The following INPP4B variants were observed in gnomAD, a reference collection of about 807,000 sequenced individuals.
The protein encoded by INPP4B is inositol polyphosphate-4-phosphatase type II B, also known as inositol polyphosphate 4-phosphatase type II.
INPP4B carries 55 observed loss-of-function variants against 122.5 expected under a neutral mutation model. The ratio of observed to expected loss-of-function variants is 0.45; its 90% CI spans 0.36 to 0.56. INPP4B has a LOEUF of 0.56. INPP4B is among the 20% of genes least tolerant of loss of function. The pLI is 0.00. For synonymous variants in INPP4B, 403 were observed against 388.7 expected, an observed-to-expected ratio of 1.04 and a Z score of -0.43; for missense variants, 1,000 against 1,097.7, an observed-to-expected ratio of 0.91 and a Z score of 1.26.
chr4:142,165,841 T>C (rs925578640), intron 16 of INPP4B, among the ~76,000 whole-genome samples: 4 of 151,730 alleles, frequency 2.6e-5, no homozygotes, highest in Admixed American at 6.6e-5. Flanking sequence ...TACATAACAG[T>C]GATGCATGAA....
At chr4:142,472,556 A>G (rs1176021575) in intron 2 of INPP4B, among the ~76,000 whole-genome samples, 1 of 152,206 alleles carries the variant, frequency 6.6e-6, no homozygotes, top group Non-Finnish European at 1.5e-5. Flanking sequence ...TCTCCAATAT[A>G]TGAATATTCT....
intron 2 of INPP4B, among the ~76,000 whole-genome samples, chr4:142,659,382 G>T (rs1164541725): frequency 6.6e-6 from 1 of 151,858 alleles, no homozygotes; most frequent in Admixed American, 6.6e-5. Flanking sequence ...CTCCAACCTG[G>T]GCGACAGAGT....
At chr4:142,376,796 A>T (rs1211284411) in intron 7 of INPP4B, among the ~76,000 whole-genome samples, 3 of 152,014 alleles carry the variant, frequency 2.0e-5, no homozygotes, top group Non-Finnish European at 2.9e-5. Flanking sequence ...TTTCAATCTG[A>T]TTTTGAGCAA....
At chr4:142,392,248 C>A (rs149151361) in intron 7 of INPP4B, among the ~76,000 whole-genome samples, 9 of 152,112 alleles carry the variant, frequency 5.9e-5, no homozygotes, top group Non-Finnish European at 1.2e-4. Context: ...AAGATGGGAT[C>A]CTTGATGTGA....
chr4:142,355,976 A>G (rs1783474959), intron 7 of INPP4B, among the ~76,000 whole-genome samples: 1 of 151,706 alleles, frequency 6.6e-6, no homozygotes, highest in South Asian at 2.1e-4. Flanking sequence ...TTAAAATGCC[A>G]CATACTCCAA....
chr4:142,099,869 C>A (rs1051176288), intron 23 of INPP4B, among the ~76,000 whole-genome samples: 4 of 152,146 alleles, frequency 2.6e-5, no homozygotes, highest in African/African-American at 9.7e-5. Context: ...CTTTTACACT[C>A]ATGTCCAGAG....
At chr4:142,777,170 C>T (rs1774049369) in intron 1 of INPP4B, among the ~76,000 whole-genome samples, 1 of 152,110 alleles carries the variant, frequency 6.6e-6, no homozygotes, top group South Asian at 2.1e-4. Flanking sequence ...AGGGTGACCT[C>T]TCAGTACTCC....
intron 7 of INPP4B, among the ~76,000 whole-genome samples, chr4:142,399,564 T>C (rs1381846343): frequency 6.6e-6 from 1 of 152,188 alleles, no homozygotes; most frequent in Non-Finnish European, 1.5e-5. Flanking sequence ...TCTTTAGGGC[T>C]AAACATTGTA....
At chr4:142,415,162 C>T (rs1441942101) in intron 5 of INPP4B, among the ~76,000 whole-genome samples, 2 of 152,084 alleles carry the variant, frequency 1.3e-5, no homozygotes, top group African/African-American at 4.8e-5. Flanking sequence ...CCAGTACAAG[C>T]ATATGGCCCA....
At chr4:142,733,921 A>G (rs1401672748) in intron 1 of INPP4B, among the ~76,000 whole-genome samples, 1 of 152,240 alleles carries the variant, frequency 6.6e-6, no homozygotes, top group African/African-American at 2.4e-5. Context: ...ATGAGACTGA[A>G]GAAACCCTGA....
chr4:142,813,841 T>C (rs1219594224), intron 1 of INPP4B, among the ~76,000 whole-genome samples: 2 of 152,192 alleles, frequency 1.3e-5, no homozygotes, highest in African/African-American at 4.8e-5. Flanking sequence ...GAAGTATTTA[T>C]ATTCTTAACC....
At chr4:142,189,275 T>C (rs1416562017) in intron 15 of INPP4B, among the ~76,000 whole-genome samples, 2 of 152,180 alleles carry the variant, frequency 1.3e-5, no homozygotes, top group African/African-American at 2.4e-5. Context: ...ATTAATCTTA[T>C]TGCATTATGA....
At chr4:142,202,692 T>C (rs1327031071) in intron 14 of INPP4B, 1 of 964,872 alleles carries the variant, frequency 1.0e-6, no homozygotes, top group East Asian at 1.1e-4. Context: ...AGCTTTATGA[T>C]ATAAACTCAT....
chr4:142,382,371 T>C (rs1176130986), intron 7 of INPP4B, among the ~76,000 whole-genome samples: 1 of 151,638 alleles, frequency 6.6e-6, no homozygotes, highest in East Asian at 1.9e-4. Context: ...TAGCTGGGCA[T>C]GGTGGCAGGT....
At chr4:142,241,157 G>T (rs1859182126) in intron 11 of INPP4B, among the ~76,000 whole-genome samples, 1 of 152,046 alleles carries the variant, frequency 6.6e-6, no homozygotes. Flanking sequence ...CATACAATAG[G>T]CTTATCTCAA....
intron 25 of INPP4B, among the ~76,000 whole-genome samples, chr4:142,032,270 A>T (rs1740719957): frequency 6.6e-6 from 1 of 152,116 alleles, no homozygotes; most frequent in Non-Finnish European, 1.5e-5. Context: ...AGCCCAGGCT[A>T]CCAGGGGCAG....
At chr4:142,314,677 T>C (rs186833300) in intron 8 of INPP4B, 35 bp downstream of exon 8, 5 of 1,584,684 alleles carry the variant, frequency 3.2e-6, no homozygotes, top group Middle Eastern at 3.3e-4. Context: ...TTAGAAGTGA[T>C]GTGTGTGCCT....
intron 2 of INPP4B, among the ~76,000 whole-genome samples, chr4:142,627,903 G>A (rs1463794469): frequency 6.6e-6 from 1 of 151,126 alleles, no homozygotes; most frequent in African/African-American, 2.4e-5. Flanking sequence ...TGGTTGGTAA[G>A]CTATTGATTA....
chr4:142,215,087 A>T lies in INPP4B; in HGVS notation c.837-6061T>A, dbSNP rs746823922. ...TAAGTTATAGGATATCAGAGTTCATATAAGATTCATAAACTCCCAGGATGC... is the reference window on the plus strand; with the variant it reads ...TAAGTTATAGGATATCAGAGTTCATTTAAGATTCATAAACTCCCAGGATGC... On this transcript the variant is annotated intron_variant, in intron 12 of 25. Coordinates refer to ENST00000262992, the MANE Select transcript of INPP4B (RefSeq NM_001101669.3). Among the ~76,000 whole-genome samples the T allele has an allele frequency of 2.1e-4, 32 of 152,318 alleles. No individual in the cohort carries two copies. In the Middle Eastern group the frequency reaches 0.01, roughly 49 times the overall value.
Sources: allele counts gnomAD v4.1 joint callset (sites outside exome capture counted in the v4.1 genomes callset), GRCh38; gene constraint gnomAD v4.1.1; transcripts MANE v1.5; gene names NCBI Gene and HGNC (gene_info 2026-07-23, HGNC 2026-07-21).